The following PTPN12 variants were observed in gnomAD, a reference collection of about 807,000 sequenced individuals.
PTPN12 encodes the protein tyrosine-protein phosphatase non-receptor type 12.
PTPN12 carries 29 observed loss-of-function variants against 97.6 expected under a neutral mutation model. The ratio of observed to expected loss-of-function variants is 0.30; its 90% CI spans 0.22 to 0.41. The LOEUF is 0.41. Among genes scored for constraint, PTPN12 ranks in the 10% least tolerant of loss-of-function variants. The pLI, the probability that PTPN12 is intolerant of heterozygous loss-of-function variation, is 1.00. For synonymous variants in PTPN12, 327 were observed against 300.4 expected, an observed-to-expected ratio of 1.09 and a Z score of -0.91; for missense variants, 819 against 926.0, an observed-to-expected ratio of 0.88 and a Z score of 1.50.
intron 8 of PTPN12, 82 bp from the exon 9 acceptor site, chr7:77,607,153 G>A: frequency 9.0e-7 from 1 of 1,111,184 alleles, no homozygotes; most frequent in Non-Finnish European, 1.3e-6. Context: ...TTTTGTTTCT[G>A]AATATTAACA....
chr7:77,588,515 A>G (rs1787764600), intron 5 of PTPN12, among the ~76,000 whole-genome samples: 1 of 152,208 alleles, frequency 6.6e-6, no homozygotes, highest in Non-Finnish European at 1.5e-5. Context: ...TATCATCATA[A>G]TGAAAAAGTT....
At chr7:77,615,450 A>G (rs898119720) in intron 11 of PTPN12, among the ~76,000 whole-genome samples, 10 of 146,328 alleles carry the variant, frequency 6.8e-5, no homozygotes, top group South Asian at 2.1e-4. Flanking sequence ...GTTTAAAACA[A>G]GAGAACACAG....
chr7:77,593,674 A>G (rs1217485858), intron 6 of PTPN12, among the ~76,000 whole-genome samples: 2 of 152,238 alleles, frequency 1.3e-5, no homozygotes, highest in Non-Finnish European at 2.9e-5. Flanking sequence ...GCCCAACAAC[A>G]TTATGGAGGA....
chr7:77,584,428 T>C (rs1038729547), intron 4 of PTPN12, among the ~76,000 whole-genome samples: 3 of 152,210 alleles, frequency 2.0e-5, no homozygotes, highest in Non-Finnish European at 4.4e-5. Context: ...GAAGAAACTT[T>C]CTGGATGATG....
Position 77,608,597 on chromosome 7 carries a change from C to T in PTPN12, c.762+1296C>T, listed in dbSNP as rs1007857927. ...GTTTCCATGAATTGTTCATCTTTGT[C>T]TTGTACAGAGTAGAATTAATAAAAT... On this transcript the variant is annotated intron_variant, in intron 9 of 17. Transcript: ENST00000248594. 3.3e-5 allele frequency among the ~76,000 whole-genome samples: 5 copies of T among 152,192 alleles called. 1 individual carries two copies. The South Asian group carries it at 8.3e-4, about 25-fold the overall frequency.
Position 77,584,855 on chromosome 7 carries a change from C to T in PTPN12, c.382-688C>T, listed in dbSNP as rs1213761153. 6.8e-5 allele frequency among the ~76,000 whole-genome samples: 10 copies of T among 147,272 alleles called. No homozygotes were observed. In the East Asian group the frequency reaches 7.9e-4, roughly 12 times the overall value. On this transcript the variant is annotated intron_variant, in intron 4 of 17. Transcript: ENST00000248594. The stretch of plus-strand genomic sequence containing the variant: ...TAGCGCCACTGCACTCCAGCCTGGG[C>T]GACAGAGCGAGACTCCGTCTCAAAA...
chr7:77,635,889 T>A lies in PTPN12; in HGVS notation c.2142+40T>A, dbSNP rs184662068. On this transcript the variant is annotated intron_variant, in intron 15 of 17. Coordinates refer to ENST00000248594, the MANE Select transcript of PTPN12 (RefSeq NM_002835.4). Reference sequence around the variant, plus strand: ...AATTGGAACAGTTATAGCTTAACATTTCTACTCTTTTGTTAACTAATCTTG... The same window carrying A: ...AATTGGAACAGTTATAGCTTAACATATCTACTCTTTTGTTAACTAATCTTG... 2.2e-4 allele frequency: 293 copies of A among 1,349,970 alleles called. 1 individual carries two copies. In the African/African-American group the frequency reaches 4.0e-3, roughly 18 times the overall value. 83.6% of individuals were successfully genotyped at this position (1,349,970 alleles called of 1,614,324 possible).
intron 11 of PTPN12, among the ~76,000 whole-genome samples, chr7:77,614,791 G>A (rs997651129): frequency 3.9e-5 from 6 of 152,130 alleles, no homozygotes; most frequent in African/African-American, 1.2e-4. Context: ...CTTGAAAGGT[G>A]TATTAACTAT....
chr7:77,590,267 T>A (rs1015772126), intron 5 of PTPN12, among the ~76,000 whole-genome samples: 2 of 152,256 alleles, frequency 1.3e-5, no homozygotes, highest in African/African-American at 4.8e-5. Flanking sequence ...ATCTTATTAC[T>A]GCTCATCTGA....
Position 77,638,657 on chromosome 7 carries a change from G to C in PTPN12, c.2207G>C (p.Cys736Ser), listed in dbSNP as rs1254631058. ...GCGGGAGGTATTCACTATGAAATGT[G>C]CATAGAATGTCCACCTACTTTCAGT... is the stretch of plus-strand genomic sequence containing the variant. ...HPAGGIHYEM[C>S]IECPPTFSDK... is the part of the protein sequence containing the mutation. The change falls in exon 17 of 18, where the codon TGC (cysteine) becomes TCC (serine). Residue 736 changes from cysteine (C) to serine (S), a missense_variant. Around this residue, in one of 5 missense-constraint regions of PTPN12, gnomAD observed 607 missense variants for 577.3 expected, o/e 1.05. Coordinates refer to ENST00000248594, the MANE Select transcript of PTPN12 (RefSeq NM_002835.4). The C allele has an allele frequency of 6.2e-7, 1 of 1,606,418 alleles. No individual in the cohort carries two copies.
chr7:77,639,085 T>C (rs1789707211), intron 17 of PTPN12, 134 bp from the exon 18 acceptor site: 1 of 737,196 alleles, frequency 1.4e-6, no homozygotes, highest in Admixed American at 3.5e-5. Flanking sequence ...TACCAAGTTT[T>C]GTTTGGCTTA....
chr7:77,570,377 TC>T (rs1435460104), intron 1 of PTPN12, among the ~76,000 whole-genome samples: 1 of 152,212 alleles, frequency 6.6e-6, no homozygotes, highest in African/African-American at 2.4e-5. Context: ...GAAAGAAAGT[TC>T]CTTTGAAATT....
At chr7:77,539,904 CCTCAT>C (rs1190251129) in intron 1 of PTPN12, among the ~76,000 whole-genome samples, 5 of 152,176 alleles carry the variant, frequency 3.3e-5, no homozygotes. Flanking sequence ...CTCTCGAACT[CCTCAT>C]CTCAAGTGAT....
intron 6 of PTPN12, among the ~76,000 whole-genome samples, chr7:77,597,222 C>T (rs1021115227): frequency 6.6e-6 from 1 of 152,202 alleles, no homozygotes; most frequent in Admixed American, 6.5e-5. Context: ...CTCCTGGGTT[C>T]AAGCAATTCT....
At chr7:77,587,465 G>A (rs1787728610) in intron 5 of PTPN12, among the ~76,000 whole-genome samples, 1 of 152,076 alleles carries the variant, frequency 6.6e-6, no homozygotes, top group African/African-American at 2.4e-5. Context: ...GCTGGGGGTG[G>A]GGTTGAAAAA....
intron 8 of PTPN12, 191 bp from the exon 9 acceptor site, chr7:77,607,038 GTGTATA>G (rs1162137878): frequency 2.6e-5 from 11 of 417,802 alleles, no homozygotes; most frequent in African/African-American, 1.2e-4. Flanking sequence ...AAAAATCATA[GTGTATA>G]TGTATATGTA....
intron 6 of PTPN12, among the ~76,000 whole-genome samples, chr7:77,592,571 C>G (rs1057262691): frequency 2.6e-5 from 4 of 152,014 alleles, no homozygotes. Context: ...GTATTCATTT[C>G]AAATTGATTA....
chr7:77,563,224 A>G (rs538960817), intron 1 of PTPN12, among the ~76,000 whole-genome samples: 1 of 152,340 alleles, frequency 6.6e-6, no homozygotes, highest in South Asian at 2.1e-4. Context: ...AGTAGAAATG[A>G]AGTGTAAGCA....
intron 14 of PTPN12, among the ~76,000 whole-genome samples, 198 bp downstream of exon 14, chr7:77,632,623 T>C (rs1035518507): frequency 6.6e-6 from 1 of 152,216 alleles, no homozygotes; most frequent in African/African-American, 2.4e-5. Context: ...TCGATAGAAA[T>C]TACTGCATTT....
Sources: gnomAD v4.1 joint callset for allele counts (sites outside exome capture counted in the v4.1 genomes callset) on GRCh38, gnomAD v4.1.1 for gene constraint, gnomAD v4.1.1 regional missense constraint, MANE v1.5 for transcripts, NCBI Gene and HGNC (gene_info 2026-07-23, HGNC 2026-07-21) for gene names.